Variants in CNTLN observed in about 807,000 individuals in gnomAD.
CNTLN encodes centlein, centrosomal protein.
A neutral mutation model predicts 180.0 loss-of-function variants in CNTLN; 212 were observed. That is an observed-to-expected ratio of 1.18 (90% CI 1.05 to 1.32). CNTLN has a LOEUF of 1.32. CNTLN is among the 40% of genes most tolerant of loss of function. CNTLN has a pLI of 0.00. For missense variants in CNTLN, 2,095 were observed against 1,610.9 expected (o/e 1.30, Z -5.14); for synonymous variants, 722 against 563.1 (o/e 1.28, Z -3.99).
chr9:17,215,084 C>T (rs140528106), intron 2 of CNTLN, among the ~76,000 whole-genome samples: 24 of 152,294 alleles, frequency 1.6e-4, no homozygotes, highest in African/African-American at 4.8e-4. Flanking sequence ...AGCTTTGTTC[C>T]GTTGCTGGCG....
chr9:17,312,337 C>T (rs546287218), intron 8 of CNTLN, among the ~76,000 whole-genome samples: 13 of 42,574 alleles, frequency 3.1e-4, no homozygotes, highest in Non-Finnish European at 4.2e-4. Context: ...GATAAGATTA[C>T]TGTATTTATA....
intron 5 of CNTLN, among the ~76,000 whole-genome samples, chr9:17,263,333 G>A (rs1357708138): frequency 6.7e-6 from 1 of 150,134 alleles, no homozygotes; most frequent in African/African-American, 2.5e-5. Context: ...GAGATTGATG[G>A]TTTCCACTTT....
chr9:17,309,892 A>G (rs868214462), intron 8 of CNTLN, among the ~76,000 whole-genome samples: 5 of 152,096 alleles, frequency 3.3e-5, no homozygotes, highest in Non-Finnish European at 7.4e-5. Flanking sequence ...TAAGGCTCTC[A>G]TAGCTTTTCT....
chr9:17,206,147 C>T (rs1005980624), intron 2 of CNTLN, among the ~76,000 whole-genome samples: 1 of 152,068 alleles, frequency 6.6e-6, no homozygotes, highest in African/African-American at 2.4e-5. Flanking sequence ...GAGAATCGTC[C>T]CTGCTAACAT....
At chr9:17,179,864 C>T (rs1435559172) in intron 2 of CNTLN, among the ~76,000 whole-genome samples, 4 of 152,026 alleles carry the variant, frequency 2.6e-5, no homozygotes, top group Non-Finnish European at 1.5e-5. Context: ...AAAGTTGGTA[C>T]GTACACATTT....
intron 5 of CNTLN, among the ~76,000 whole-genome samples, chr9:17,270,973 CAG>C (rs1827899378): frequency 1.1e-5 from 1 of 90,562 alleles, no homozygotes; most frequent in Non-Finnish European, 2.0e-5. Flanking sequence ...TTTTTTGAGA[CAG>C]AGTCTTGCTC....
intron 13 of CNTLN, among the ~76,000 whole-genome samples, chr9:17,374,373 T>G (rs1824578678): frequency 6.6e-6 from 1 of 152,204 alleles, no homozygotes; most frequent in African/African-American, 2.4e-5. Flanking sequence ...ATGCTCAACA[T>G]TATTGATCAT....
chr9:17,266,883 T>G (rs1827502107), intron 5 of CNTLN, among the ~76,000 whole-genome samples: 1 of 152,154 alleles, frequency 6.6e-6, no homozygotes, highest in African/African-American at 2.4e-5. Context: ...TTGTTTTCCA[T>G]TTGCTTGGTA....
chr9:17,425,058 A>G (rs1015432710), intron 18 of CNTLN, among the ~76,000 whole-genome samples: 9 of 152,230 alleles, frequency 5.9e-5, no homozygotes, highest in Non-Finnish European at 4.4e-5. Context: ...AATAATATCT[A>G]TATTTAGCGA....
At chr9:17,152,487 T>C (rs1351753665) in intron 2 of CNTLN, among the ~76,000 whole-genome samples, 2 of 152,238 alleles carry the variant, frequency 1.3e-5, no homozygotes, top group Non-Finnish European at 2.9e-5. Flanking sequence ...AGTTTCTTAA[T>C]CCTGAGTTCT....
intron 8 of CNTLN, among the ~76,000 whole-genome samples, chr9:17,312,365 T>TATATATA (rs1819221085): frequency 2.8e-4 from 2 of 7,212 alleles, no homozygotes; most frequent in African/African-American, 4.6e-4. Context: ...ATATATATAT[T>TATATATA]ATATATATAT....
chr9:17,298,847 T>A, intron 7 of CNTLN: 1 of 985,584 alleles, frequency 1.0e-6, no homozygotes. Flanking sequence ...TTCAGTAGTC[T>A]TTTACTTTAC....
At chr9:17,477,973 T>C (rs1318671878) in intron 23 of CNTLN, among the ~76,000 whole-genome samples, 6 of 152,206 alleles carry the variant, frequency 3.9e-5, no homozygotes, top group Non-Finnish European at 8.8e-5. Flanking sequence ...AGTTTCACTG[T>C]TGTCTTAAAG....
In CNTLN at chr9:17,487,067, G is replaced by C. The variant is rs750301091; in HGVS notation, c.4119+1G>C. 4.4e-6 allele frequency: 7 copies of C among 1,588,056 alleles called. No homozygotes were observed. The highest frequency in any genetic ancestry group is 1.3e-5 in the African/African-American group (1 of 74,252). ...CATTCAGAAACTTCTTGAAGGACAG[G>C]TATTTCATTTTTCTGTTTCATATAT... On this transcript the variant is annotated splice_donor_variant, in intron 25 of 25. Transcript: ENST00000380647. LOFTEE classifies it high-confidence loss of function.
chr9:17,217,442 C>A (rs967879412), intron 2 of CNTLN, among the ~76,000 whole-genome samples: 3 of 152,208 alleles, frequency 2.0e-5, no homozygotes, highest in Admixed American at 6.5e-5. Flanking sequence ...CCTGAGTGAA[C>A]AGTGGCCTGT....
chr9:17,187,684 C>T (rs544995133), intron 2 of CNTLN, among the ~76,000 whole-genome samples: 73 of 151,502 alleles, frequency 4.8e-4, no homozygotes, highest in Non-Finnish European at 8.1e-4. Context: ...TAGTATTTCA[C>T]TTTATGAATT....
chr9:17,491,212 G>C (rs149941352), intron 25 of CNTLN, among the ~76,000 whole-genome samples: 2 of 152,014 alleles, frequency 1.3e-5, no homozygotes. Flanking sequence ...AGCTGAGCCT[G>C]TGCTCGGGAA....
intron 2 of CNTLN, among the ~76,000 whole-genome samples, chr9:17,210,324 T>A (rs1288512632): frequency 6.6e-6 from 1 of 152,226 alleles, no homozygotes; most frequent in African/African-American, 2.4e-5. Flanking sequence ...TTTGGTTTTT[T>A]GTCCTTGCGA....
intron 12 of CNTLN, among the ~76,000 whole-genome samples, chr9:17,359,216 G>A (rs1186057117): frequency 1.3e-5 from 2 of 151,864 alleles, no homozygotes; most frequent in African/African-American, 4.8e-5. Flanking sequence ...ATAGGGTTAT[G>A]CCATGTTGCC....
Sources: gnomAD v4.1 joint callset for allele counts (sites outside exome capture counted in the v4.1 genomes callset) on GRCh38, gnomAD v4.1.1 for gene constraint, MANE v1.5 for transcripts, NCBI Gene and HGNC (gene_info 2026-07-23, HGNC 2026-07-21) for gene names.